Variants in TCF12 observed in about 807,000 individuals in gnomAD.
TCF12 encodes the protein DNA-binding protein HTF4.
TCF12 carries 45 observed loss-of-function variants against 86.0 expected under a neutral mutation model. That is an observed-to-expected ratio of 0.52 (90% CI 0.41 to 0.67). TCF12 has a LOEUF of 0.67. Among genes scored for constraint, TCF12 ranks in the 30% least tolerant of loss-of-function variants. TCF12 has a pLI of 0.00. For missense variants in TCF12, 881 were observed against 859.9 expected, an observed-to-expected ratio of 1.02 and a Z score of -0.31; for synonymous variants, 330 against 299.6, an observed-to-expected ratio of 1.10 and a Z score of -1.05.
intron 3 of TCF12, among the ~76,000 whole-genome samples, chr15:56,947,388 C>T (rs1465118419): frequency 2.0e-5 from 3 of 152,164 alleles, no homozygotes; most frequent in South Asian, 2.1e-4. Flanking sequence ...GCGTAGCTTC[C>T]TCCTCTAGAC....
intron 3 of TCF12, among the ~76,000 whole-genome samples, chr15:57,006,445 C>G (rs886311042): frequency 5.3e-5 from 8 of 150,764 alleles, no homozygotes; most frequent in Non-Finnish European, 7.4e-5. Flanking sequence ...GCTGGGATTA[C>G]AGGCGCCTGC....
rs2061222199 is a variant in TCF12 at position 57,273,128 on chromosome 15, G to A, written c.1844G>A (p.Arg615Gln). 4.3e-6 allele frequency: 7 copies of A among 1,614,074 alleles called. No individual in the cohort carries two copies. The highest frequency in any genetic ancestry group is 2.7e-5 in the African/African-American group (2 of 74,938). The change falls in exon 19 of 21, where the codon CGG becomes CAG. Residue 615 changes from arginine to glutamine, a missense_variant. Transcript: ENST00000333725. ...ANNARERLRV[R>Q]DINEAFKELG... ...AATGCCAGAGAACGCTTACGCGTGC[G>A]GGATATTAATGAAGCATTCAAAGAG...
chr15:56,921,974 TTAAG>T (rs1338576009), intron 3 of TCF12, among the ~76,000 whole-genome samples: 2 of 151,980 alleles, frequency 1.3e-5, no homozygotes, highest in African/African-American at 4.8e-5. Context: ...CTTAATCATC[TTAAG>T]TAAGTGAAAT....
intron 3 of TCF12, among the ~76,000 whole-genome samples, chr15:57,015,248 A>G (rs1417644223): frequency 6.6e-6 from 1 of 152,186 alleles, no homozygotes; most frequent in African/African-American, 2.4e-5. Context: ...AGATTGTGCC[A>G]CTGCACTCCA....
chr15:57,150,178 A>G (rs551370791), intron 5 of TCF12, among the ~76,000 whole-genome samples: 9 of 152,302 alleles, frequency 5.9e-5, no homozygotes, highest in Admixed American at 2.6e-4. Context: ...TAGGATTTAT[A>G]GGGTAAAAAG....
intron 3 of TCF12, among the ~76,000 whole-genome samples, chr15:56,989,654 T>C (rs763206615): frequency 1.4e-4 from 21 of 152,214 alleles, no homozygotes; most frequent in Non-Finnish European, 3.1e-4. Context: ...TCTAGTCTTA[T>C]TGCTGTAGGA....
intron 3 of TCF12, among the ~76,000 whole-genome samples, chr15:56,959,090 CATT>C (rs1355003112): frequency 6.6e-6 from 1 of 152,120 alleles, no homozygotes; most frequent in Non-Finnish European, 1.5e-5. Flanking sequence ...TGGATGATAA[CATT>C]GTTGTCCCTT....
At chr15:57,137,508 T>C (rs2151384993) in intron 5 of TCF12, among the ~76,000 whole-genome samples, 1 of 152,330 alleles carries the variant, frequency 6.6e-6, no homozygotes, top group South Asian at 2.1e-4. Context: ...AAATATTATT[T>C]CTAAAAATAT....
chr15:57,170,689 A>AAC (rs1555526104), intron 6 of TCF12, among the ~76,000 whole-genome samples: 3 of 23,562 alleles, frequency 1.3e-4, no homozygotes, highest in Non-Finnish European at 3.1e-4. Context: ...TATTATATAT[A>AAC]ATATATATTA....
At chr15:57,043,869 T>C (rs2067054741) in intron 3 of TCF12, among the ~76,000 whole-genome samples, 1 of 152,158 alleles carries the variant, frequency 6.6e-6, no homozygotes, top group Admixed American at 6.5e-5. Context: ...ACTTTGCAAA[T>C]GAAATTATTA....
At chr15:57,279,202 C>T (rs1334615272) in intron 19 of TCF12, among the ~76,000 whole-genome samples, 1 of 132,814 alleles carries the variant, frequency 7.5e-6, no homozygotes, top group Non-Finnish European at 1.5e-5. Flanking sequence ...CTTTGTTGCC[C>T]AGGCTACTGT....
rs554077672 is a variant in TCF12, at chr15:56,978,694, T to C, written c.148+57596T>C. On this transcript the variant is annotated intron_variant, in intron 3 of 20. Coordinates refer to ENST00000333725, the MANE Select transcript of TCF12 (RefSeq NM_207037.2). Reference sequence around the variant, plus strand: ...AGTTAAATACTAAAGCAAAATACTCTTATTTCCTTGATAGAAAAATATCTT... The same window carrying C: ...AGTTAAATACTAAAGCAAAATACTCCTATTTCCTTGATAGAAAAATATCTT... Among the ~76,000 whole-genome samples, 66 of 152,316 alleles carry C rather than the reference T, an allele frequency of 4.3e-4. 1 individual carries two copies. In the South Asian group the frequency reaches 0.013, roughly 31 times the overall value.
intron 3 of TCF12, among the ~76,000 whole-genome samples, chr15:57,020,859 G>A (rs1325333527): frequency 6.6e-6 from 1 of 152,046 alleles, no homozygotes; most frequent in Non-Finnish European, 1.5e-5. Flanking sequence ...AACTGAGGGG[G>A]TATGGATTAT....
chr15:57,218,377 C>T (rs1448343842), intron 8 of TCF12, among the ~76,000 whole-genome samples: 4 of 152,068 alleles, frequency 2.6e-5, no homozygotes, highest in Non-Finnish European at 2.9e-5. Context: ...TTACAGCAAA[C>T]GATTGATTGG....
At chr15:57,095,195 A>G (rs1305501720) in intron 5 of TCF12, among the ~76,000 whole-genome samples, 2 of 152,136 alleles carry the variant, frequency 1.3e-5, no homozygotes. Flanking sequence ...TGTACTCTGA[A>G]ATATTAAAAC....
In TCF12 at chr15:57,068,029, C is replaced by T. The variant is rs574385339; in HGVS notation, c.222+4206C>T. On this transcript the variant is annotated intron_variant, in intron 4 of 20. Transcript: ENST00000333725. ...TGTTCACTAAGGTGTTAATGACTTA[C>T]TCTAGTTTCAGATTTTTTTTTTCTC... Among the ~76,000 whole-genome samples, 138 of 152,088 alleles carry T rather than the reference C, an allele frequency of 9.1e-4. 1 individual carries two copies. Among genetic ancestry groups the T allele is most frequent in the African/African-American group, 3.0e-3 (126 of 41,408 alleles).
chr15:57,103,484 T>G (rs2049902953), intron 5 of TCF12, among the ~76,000 whole-genome samples: 1 of 152,168 alleles, frequency 6.6e-6, no homozygotes, highest in Non-Finnish European at 1.5e-5. Flanking sequence ...CACATGTACA[T>G]TTGGAAAAGT....
chr15:56,965,476 A>G (rs1420194046), intron 3 of TCF12, among the ~76,000 whole-genome samples: 2 of 152,310 alleles, frequency 1.3e-5, no homozygotes, highest in Non-Finnish European at 2.9e-5. Context: ...TCTTTCCACA[A>G]TCTGAATGAA....
At chr15:57,198,262 A>G (rs1182335092) in intron 8 of TCF12, among the ~76,000 whole-genome samples, 2 of 152,228 alleles carry the variant, frequency 1.3e-5, no homozygotes, top group Non-Finnish European at 2.9e-5. Context: ...TGTTTGGCTC[A>G]GCTTGCCTCA....
Sources: gnomAD v4.1 joint callset for allele counts (sites outside exome capture counted in the v4.1 genomes callset) on GRCh38, gnomAD v4.1.1 for gene constraint, MANE v1.5 for transcripts, NCBI Gene and HGNC (gene_info 2026-07-23, HGNC 2026-07-21) for gene names.